Variants in PAPSS2 observed in about 807,000 individuals in gnomAD.
PAPSS2 encodes 3'-phosphoadenosine 5'-phosphosulfate synthase 2, also known as bifunctional 3'-phosphoadenosine 5'-phosphosulfate synthase 2.
PAPSS2 carries 61 observed loss-of-function variants against 66.5 expected under a neutral mutation model. That is an observed-to-expected ratio of 0.92 (90% CI 0.75 to 1.14). PAPSS2 has a LOEUF of 1.14. PAPSS2 is among the 50% of genes most tolerant of loss of function. The pLI, the probability that PAPSS2 is intolerant of heterozygous loss-of-function variation, is 0.00. For synonymous variants in PAPSS2, 289 were observed against 287.5 expected, an observed-to-expected ratio of 1.01 and a Z score of -0.05; for missense variants, 708 against 789.6, an observed-to-expected ratio of 0.90 and a Z score of 1.24.
chr10:87,664,483 C>T (rs934401885), intron 1 of PAPSS2, among the ~76,000 whole-genome samples: 2 of 152,166 alleles, frequency 1.3e-5, no homozygotes, highest in Non-Finnish European at 2.9e-5. Context: ...TTCATGCCAT[C>T]GCCATTTATT....
At chr10:87,677,544 G>A (rs1429898006) in intron 1 of PAPSS2, among the ~76,000 whole-genome samples, 1 of 152,166 alleles carries the variant, frequency 6.6e-6, no homozygotes, top group Non-Finnish European at 1.5e-5. Context: ...AACCAGAGTG[G>A]ACATGAAAGA....
At chr10:87,709,361 CAT>C (rs765112157) in intron 2 of PAPSS2, 48 bp downstream of exon 2, 5 of 1,112,658 alleles carry the variant, frequency 4.5e-6, no homozygotes, top group African/African-American at 3.1e-5. Context: ...TGCAAACTGA[CAT>C]GTGACACAAT....
chr10:87,727,259 G>C, intron 8 of PAPSS2, 25 bp from the exon 9 acceptor site: 1 of 1,598,582 alleles, frequency 6.3e-7, no homozygotes, highest in Non-Finnish European at 8.6e-7. Context: ...TCTAGTTTTC[G>C]TGCATCACAT....
At position 87,745,999 on chromosome 10, in the gene PAPSS2, G is replaced by A; in HGVS notation, c.*29G>A. On this transcript the variant is annotated 3_prime_UTR_variant, in exon 13 of 13. Transcript: ENST00000456849. The stretch of plus-strand genomic sequence containing the variant: ...TTTGGCTCCAGAGTTTCTTTCTGAA[G>A]TGCTCTTTGATTACCTTTTCTATTT... 1.2e-6 allele frequency: 2 copies of A among 1,609,050 alleles called. No homozygotes were observed. Among genetic ancestry groups the A allele is most frequent in the Non-Finnish European group, 8.5e-7 (1 of 1,175,526 alleles).
chr10:87,703,628 A>G, intron 1 of PAPSS2: 1 of 455,980 alleles, frequency 2.2e-6, no homozygotes, highest in Admixed American at 2.4e-5. Flanking sequence ...AGAGATGTTA[A>G]TAACTTGCTC....
intron 1 of PAPSS2, among the ~76,000 whole-genome samples, chr10:87,676,594 A>G (rs562196662): frequency 1.3e-5 from 2 of 152,238 alleles, no homozygotes; most frequent in East Asian, 3.9e-4. Flanking sequence ...AGATTGCCTG[A>G]CTTCGTTTAT....
At chr10:87,707,268 A>G (rs1564718939) in intron 1 of PAPSS2, among the ~76,000 whole-genome samples, 1 of 152,220 alleles carries the variant, frequency 6.6e-6, no homozygotes, top group Non-Finnish European at 1.5e-5. Context: ...GAAATTTATC[A>G]GCAGCTATTA....
intron 1 of PAPSS2, chr10:87,703,946 A>G (rs1011237196): frequency 4.0e-6 from 2 of 495,910 alleles, no homozygotes; most frequent in Non-Finnish European, 8.0e-6. Flanking sequence ...TTTGCTTTCT[A>G]TAGAGAGAAT....
chr10:87,715,894 A>G (rs1330160309), intron 7 of PAPSS2, 51 bp downstream of exon 7: 4 of 1,188,388 alleles, frequency 3.4e-6, no homozygotes, highest in Non-Finnish European at 5.0e-6. Context: ...AAAAAAAAAA[A>G]TCTTTCCCAG....
At chr10:87,666,639 G>A (rs942673266) in intron 1 of PAPSS2, among the ~76,000 whole-genome samples, 6 of 151,930 alleles carry the variant, frequency 3.9e-5, no homozygotes, top group Non-Finnish European at 5.9e-5. Flanking sequence ...TTTCAAGTGC[G>A]TTCTTGTCTG....
At chr10:87,703,506 A>G (rs986519319) in intron 1 of PAPSS2, among the ~76,000 whole-genome samples, 5 of 152,128 alleles carry the variant, frequency 3.3e-5, no homozygotes, top group Non-Finnish European at 5.9e-5. Context: ...TCCTACCATG[A>G]GTCTGGTATT....
At chr10:87,739,675 C>A (rs1430314030) in intron 9 of PAPSS2, among the ~76,000 whole-genome samples, 2 of 152,218 alleles carry the variant, frequency 1.3e-5, no homozygotes, top group Non-Finnish European at 2.9e-5. Flanking sequence ...CTAAGACATT[C>A]TTTGCCTTTT....
chr10:87,697,913 T>C (rs1402976476), intron 1 of PAPSS2, among the ~76,000 whole-genome samples: 2 of 152,186 alleles, frequency 1.3e-5, no homozygotes, highest in South Asian at 2.1e-4. Flanking sequence ...GCATGCACAG[T>C]CCCATGAGGA....
intron 7 of PAPSS2, among the ~76,000 whole-genome samples, chr10:87,718,608 A>G (rs997554915): frequency 7.9e-5 from 12 of 152,324 alleles, no homozygotes; most frequent in African/African-American, 2.6e-4. Flanking sequence ...TCAGGGCCCC[A>G]GCCATGTGCC....
chr10:87,709,136 C>T (rs2131931380), intron 1 of PAPSS2, 60 bp from the exon 2 acceptor site: 1 of 1,054,894 alleles, frequency 9.5e-7, no homozygotes, highest in South Asian at 1.3e-5. Flanking sequence ...TATATTGGCT[C>T]CAGTGAAGAA....
At position 87,741,333 on chromosome 10, in the gene PAPSS2, T is replaced by A; in HGVS notation, c.1185T>A (p.Pro395=). The change falls in exon 10 of 13, where the codon CCT becomes CCA. Residue 395 remains proline (P), a synonymous_variant. Coordinates refer to ENST00000456849, the MANE Select transcript of PAPSS2 (RefSeq NM_001015880.2). ...NDGLDQYRLT[P]LELKQKCKEM... ...GGCTGGACCAATACCGTCTGACACC[T>A]CTGGAGCTCAAACAGAAATGTAAAG... The A allele has an allele frequency of 6.2e-7, 1 of 1,613,846 alleles. No homozygotes were observed. The highest frequency in any genetic ancestry group is 8.5e-7 in the Non-Finnish European group (1 of 1,179,726).
At chr10:87,707,058 C>T (rs1368200117) in intron 1 of PAPSS2, among the ~76,000 whole-genome samples, 1 of 152,152 alleles carries the variant, frequency 6.6e-6, no homozygotes, top group East Asian at 1.9e-4. Context: ...TCCTCTTGGC[C>T]CCTTCTGACA....
chr10:87,686,248 T>C (rs1393193928), intron 1 of PAPSS2, among the ~76,000 whole-genome samples: 1 of 150,572 alleles, frequency 6.6e-6, no homozygotes, highest in African/African-American at 2.5e-5. Flanking sequence ...GTGTGCAAGC[T>C]ATCCTGTCGA....
chr10:87,669,103 G>T (rs1389571382), intron 1 of PAPSS2, among the ~76,000 whole-genome samples: 3 of 152,110 alleles, frequency 2.0e-5, no homozygotes, highest in African/African-American at 7.2e-5. Context: ...AAATATTTTT[G>T]ATTGGCCGGA....
Sources: gnomAD v4.1 joint callset for allele counts (sites outside exome capture counted in the v4.1 genomes callset) on GRCh38, gnomAD v4.1.1 for gene constraint, MANE v1.5 for transcripts, NCBI Gene and HGNC (gene_info 2026-07-23, HGNC 2026-07-21) for gene names.